The following AGBL4 variants were observed in gnomAD, a reference collection of about 807,000 sequenced individuals.
AGBL4 encodes AGBL carboxypeptidase 4.
A neutral mutation model predicts 66.4 loss-of-function variants in AGBL4; 58 were observed. The ratio of observed to expected loss-of-function variants is 0.87; its 90% CI spans 0.71 to 1.09. The LOEUF (loss-of-function observed/expected upper bound fraction) is 1.09, where lower values mean the gene tolerates loss of function less well. AGBL4 is among the 50% of genes least tolerant of loss of function. The pLI is 0.00. For missense variants in AGBL4, 579 were observed against 631.0 expected, an observed-to-expected ratio of 0.92 and a Z score of 0.88; for synonymous variants, 234 against 222.9, an observed-to-expected ratio of 1.05 and a Z score of -0.44.
At chr1:49,883,840 G>GA (rs1044978579) in intron 1 of AGBL4, among the ~76,000 whole-genome samples, 6 of 151,138 alleles carry the variant, frequency 4.0e-5, no homozygotes, top group South Asian at 4.2e-4. Flanking sequence ...AAAAGGAGAG[G>GA]AAAAAAAACT....
chr1:49,598,183 G>A lies in AGBL4; in HGVS notation c.282+99130C>T, dbSNP rs570283349. ...AATAGCTCTTATTATTTTGAGATAC[G>A]TTCCATCATCTGAAGCCTTCTTCTC... On this transcript the variant is annotated intron_variant, in intron 3 of 13. Coordinates refer to ENST00000371839, the MANE Select transcript of AGBL4 (RefSeq NM_032785.4). Among the ~76,000 whole-genome samples, 8 of 152,240 alleles carry A rather than the reference G, an allele frequency of 5.3e-5. No homozygotes were observed. In the East Asian group the frequency reaches 5.8e-4, roughly 11 times the overall value.
At chr1:49,474,264 G>A (rs1646805342) in intron 3 of AGBL4, among the ~76,000 whole-genome samples, 1 of 151,928 alleles carries the variant, frequency 6.6e-6, no homozygotes, top group Non-Finnish European at 1.5e-5. Context: ...CTATGTATGT[G>A]GAATGTTTTT....
intron 4 of AGBL4, among the ~76,000 whole-genome samples, chr1:49,214,191 T>C (rs1648895270): frequency 6.6e-6 from 1 of 152,126 alleles, no homozygotes; most frequent in Non-Finnish European, 1.5e-5. Flanking sequence ...GCTTATAATT[T>C]ATTTGGGAAA....
intron 3 of AGBL4, among the ~76,000 whole-genome samples, chr1:49,505,098 C>T (rs1327879968): frequency 6.6e-6 from 1 of 151,978 alleles, no homozygotes; most frequent in Non-Finnish European, 1.5e-5. Flanking sequence ...GATAATTTAA[C>T]TCTAGTCACA....
chr1:49,574,635 G>A (rs1644399280), intron 3 of AGBL4, among the ~76,000 whole-genome samples: 1 of 152,008 alleles, frequency 6.6e-6, no homozygotes, highest in Admixed American at 6.6e-5. Context: ...TTTAACAGTG[G>A]GAACCACAGT....
intron 1 of AGBL4, among the ~76,000 whole-genome samples, chr1:49,999,334 CAA>C (rs58760048): frequency 5.8e-3 from 783 of 134,400 alleles, no homozygotes; most frequent in Middle Eastern, 0.011. Context: ...ACTACCACTG[CAA>C]AAAAAAAAAA....
At chr1:50,017,188 C>T (rs1662050828) in intron 1 of AGBL4, 1 of 152,086 alleles carries the variant, frequency 6.6e-6, no homozygotes, top group Admixed American at 6.5e-5. Flanking sequence ...TTCCAATAAC[C>T]TGTCTTCTGG....
intron 1 of AGBL4, among the ~76,000 whole-genome samples, chr1:49,897,519 G>A (rs1230147332): frequency 6.6e-6 from 1 of 151,960 alleles, no homozygotes; most frequent in Non-Finnish European, 1.5e-5. Context: ...TTATTAAAAT[G>A]TCCATACTAC....
At chr1:49,968,760 C>A (rs1208707958) in intron 1 of AGBL4, among the ~76,000 whole-genome samples, 2 of 152,104 alleles carry the variant, frequency 1.3e-5, no homozygotes, top group Non-Finnish European at 2.9e-5. Context: ...CAGTTTGGAA[C>A]ATGAAAGGGA....
intron 3 of AGBL4, among the ~76,000 whole-genome samples, chr1:49,534,970 C>G (rs1437989291): frequency 6.6e-6 from 1 of 152,176 alleles, no homozygotes; most frequent in South Asian, 2.1e-4. Flanking sequence ...GACATCACCC[C>G]TCCCCTAGCC....
At chr1:49,905,978 TCC>T (rs1650232303) in intron 1 of AGBL4, among the ~76,000 whole-genome samples, 2 of 151,970 alleles carry the variant, frequency 1.3e-5, no homozygotes, top group Non-Finnish European at 2.9e-5. Flanking sequence ...GCTTTCAGAA[TCC>T]TACCCCCTAG....
At chr1:48,751,211 C>T (rs1257611536) in intron 6 of AGBL4, among the ~76,000 whole-genome samples, 3 of 152,188 alleles carry the variant, frequency 2.0e-5, no homozygotes, top group Non-Finnish European at 2.9e-5. Context: ...GGCCATGTTG[C>T]CTGGTAAGGC....
At chr1:48,679,540 A>G (rs181657888) in intron 6 of AGBL4, among the ~76,000 whole-genome samples, 1 of 152,204 alleles carries the variant, frequency 6.6e-6, no homozygotes, top group Admixed American at 6.5e-5. Flanking sequence ...CCACCTCTGC[A>G]CTCATCAGTG....
chr1:50,016,194 T>C (rs1661967059), intron 1 of AGBL4, among the ~76,000 whole-genome samples: 1 of 152,178 alleles, frequency 6.6e-6, no homozygotes, highest in Non-Finnish European at 1.5e-5. Context: ...TCAGACAACC[T>C]ACAGAATGGG....
intron 2 of AGBL4, among the ~76,000 whole-genome samples, chr1:49,713,773 G>A (rs1412540015): frequency 6.6e-6 from 1 of 151,976 alleles, no homozygotes; most frequent in East Asian, 1.9e-4. Context: ...GAGGAACAAT[G>A]TAAAATTTCT....
At chr1:49,491,004 A>T (rs1354762603) in intron 3 of AGBL4, among the ~76,000 whole-genome samples, 3 of 151,742 alleles carry the variant, frequency 2.0e-5, no homozygotes, top group Admixed American at 1.3e-4. Flanking sequence ...AGATAGGTAA[A>T]GTTTAATTAG....
chr1:49,431,160 C>G (rs1177652465), intron 3 of AGBL4, among the ~76,000 whole-genome samples: 1 of 152,094 alleles, frequency 6.6e-6, no homozygotes, highest in Non-Finnish European at 1.5e-5. Flanking sequence ...AGTGTAATTT[C>G]TGGGTCAGAG....
At chr1:49,268,410 ACACACACACAC>A (rs1176759422) in intron 3 of AGBL4, among the ~76,000 whole-genome samples, 22 of 910 alleles carry the variant, frequency 0.024, no homozygotes, top group Non-Finnish European at 0.1. Flanking sequence ...TTTTTTTTAA[ACACACACACAC>A]ACACACACAC....
At chr1:49,401,547 T>C (rs1441450374) in intron 3 of AGBL4, among the ~76,000 whole-genome samples, 2 of 152,228 alleles carry the variant, frequency 1.3e-5, no homozygotes, top group Non-Finnish European at 2.9e-5. Context: ...AAGTATTAAT[T>C]CAACAAATTT....
Sources: gnomAD v4.1 joint callset for allele counts (sites outside exome capture counted in the v4.1 genomes callset) on GRCh38, gnomAD v4.1.1 for gene constraint, MANE v1.5 for transcripts, NCBI Gene and HGNC (gene_info 2026-07-23, HGNC 2026-07-21) for gene names.